Variants in TP63 observed in about 807,000 individuals in gnomAD.
TP63 encodes the protein tumor protein p63, also known as tumor protein 63.
A neutral mutation model predicts 82.8 loss-of-function variants in TP63; 17 were observed. The observed-to-expected ratio is 0.21, with a 90% CI of 0.14 to 0.31. TP63 has a LOEUF of 0.31. Among genes scored for constraint, TP63 ranks in the 10% least tolerant of loss-of-function variants. The probability of loss-of-function intolerance (pLI) is 1.00; values close to 1 mark genes in which losing one functional copy is unlikely to be tolerated. For synonymous variants in TP63, 330 were observed against 321.7 expected (o/e 1.03, Z -0.28); for missense variants, 648 against 895.3 (o/e 0.72, Z 3.52).
intron 1 of TP63, among the ~76,000 whole-genome samples, chr3:189,713,123 T>C (rs1374333424): frequency 6.6e-6 from 1 of 152,298 alleles, no homozygotes; most frequent in East Asian, 1.9e-4. Context: ...TAGATTGAGA[T>C]GCAAAAACCT....
the TP63 span, among the ~76,000 whole-genome samples, chr3:189,607,420 T>G: frequency 6.6e-6 from 1 of 152,188 alleles, no homozygotes; most frequent in Non-Finnish European, 1.5e-5. Flanking sequence ...AAAAAGTTTA[T>G]TTTTAAAAAC....
intron 3 of TP63, among the ~76,000 whole-genome samples, chr3:189,803,263 A>C (rs1021924945): frequency 6.6e-6 from 1 of 152,136 alleles, no homozygotes; most frequent in Admixed American, 6.5e-5. Flanking sequence ...GTGCCATTGC[A>C]CTCCAGCCTG....
chr3:189,624,784 T>C, the TP63 span, among the ~76,000 whole-genome samples: 1 of 152,222 alleles, frequency 6.6e-6, no homozygotes, highest in Admixed American at 6.5e-5. Flanking sequence ...ATACTTCCCA[T>C]GCCAATTACT....
At chr3:189,622,812 A>G in the TP63 span, among the ~76,000 whole-genome samples, 2 of 152,146 alleles carry the variant, frequency 1.3e-5, no homozygotes, top group Non-Finnish European at 2.9e-5. Context: ...TCACACATGA[A>G]ATGGAGGTAA....
At chr3:189,695,050 C>G (rs1467583703) in intron 1 of TP63, among the ~76,000 whole-genome samples, 5 of 151,672 alleles carry the variant, frequency 3.3e-5, no homozygotes, top group Admixed American at 3.3e-4. Flanking sequence ...GACCTGCCCA[C>G]CTTGACAGCC....
the TP63 span, among the ~76,000 whole-genome samples, chr3:189,624,485 G>T: frequency 6.6e-6 from 1 of 152,004 alleles, no homozygotes; most frequent in African/African-American, 2.4e-5. Flanking sequence ...AGACTCTTGG[G>T]GTTGAACAGA....
intron 3 of TP63, among the ~76,000 whole-genome samples, chr3:189,749,355 C>T (rs75900736): frequency 0.028 from 4,235 of 151,698 alleles, 77 homozygotes; most frequent in Admixed American, 0.052. Flanking sequence ...TAAATAATCC[C>T]GTAAAAATGA....
chr3:189,615,051 C>G, the TP63 span, among the ~76,000 whole-genome samples: 137 of 152,336 alleles, frequency 9.0e-4, 2 homozygotes, highest in South Asian at 0.027. Flanking sequence ...GTCCCACAGT[C>G]AGACCAGAGT....
At chr3:189,742,501 A>G (rs1476909391) in intron 3 of TP63, among the ~76,000 whole-genome samples, 1 of 151,936 alleles carries the variant, frequency 6.6e-6, no homozygotes, top group Admixed American at 6.6e-5. Flanking sequence ...ATTTAAAACT[A>G]TTCCTTTTTG....
intron 2 of TP63, 109 bp downstream of exon 2, chr3:189,737,977 T>C (rs1268136289): frequency 2.1e-6 from 3 of 1,411,608 alleles, no homozygotes; most frequent in South Asian, 1.2e-5. Flanking sequence ...GTAGAAGTTA[T>C]TTAGGAAAAG....
chr3:189,885,049 A>G (rs1430128599), intron 10 of TP63, among the ~76,000 whole-genome samples: 2 of 152,224 alleles, frequency 1.3e-5, no homozygotes, highest in Admixed American at 1.3e-4. Context: ...TTATACATAT[A>G]TATGCAGATA....
intron 1 of TP63, among the ~76,000 whole-genome samples, chr3:189,718,444 G>C (rs1416370036): frequency 6.7e-6 from 1 of 149,942 alleles, no homozygotes; most frequent in Non-Finnish European, 1.5e-5. Context: ...TGGCACGATG[G>C]GGGAACTACC....
chr3:189,634,717 A>G (rs976224053), intron 1 of TP63, among the ~76,000 whole-genome samples: 2 of 152,112 alleles, frequency 1.3e-5, no homozygotes, highest in African/African-American at 4.8e-5. Flanking sequence ...TGAACTATAG[A>G]TGAAATTATA....
At chr3:189,708,811 T>C (rs1560125431) in intron 1 of TP63, among the ~76,000 whole-genome samples, 1 of 152,228 alleles carries the variant, frequency 6.6e-6, no homozygotes, top group African/African-American at 2.4e-5. Context: ...TTTCATTTTT[T>C]ATAATACTTA....
chr3:189,767,358 T>C (rs952877264), intron 3 of TP63, among the ~76,000 whole-genome samples: 10 of 152,138 alleles, frequency 6.6e-5, no homozygotes, highest in African/African-American at 2.2e-4. Context: ...ATTAAATAAA[T>C]AGGGATAGTT....
intron 10 of TP63, among the ~76,000 whole-genome samples, 191 bp from the exon 11 acceptor site, chr3:189,886,203 G>A (rs1195117648): frequency 5.9e-5 from 9 of 152,150 alleles, no homozygotes; most frequent in South Asian, 2.1e-4. Context: ...TGATAGCCTC[G>A]CAGTCAGTTT....
chr3:189,746,937 A>C (rs983442797), intron 3 of TP63, among the ~76,000 whole-genome samples: 1 of 151,880 alleles, frequency 6.6e-6, no homozygotes, highest in African/African-American at 2.4e-5. Context: ...TATGGAAACC[A>C]AACACTAGCA....
intron 1 of TP63, among the ~76,000 whole-genome samples, chr3:189,693,459 T>A (rs759981718): frequency 6.6e-6 from 1 of 152,130 alleles, no homozygotes; most frequent in Non-Finnish European, 1.5e-5. Context: ...CTGGGTAAAA[T>A]ACCTGAACCA....
intron 4 of TP63, among the ~76,000 whole-genome samples, chr3:189,815,975 T>C (rs140175226): frequency 2.2e-4 from 33 of 152,316 alleles, no homozygotes; most frequent in African/African-American, 7.7e-4. Context: ...ATTTTAAAAA[T>C]CTAATGGCAT....
Sources: allele counts gnomAD v4.1 joint callset (sites outside exome capture counted in the v4.1 genomes callset), GRCh38; gene constraint gnomAD v4.1.1; transcripts MANE v1.5; gene names NCBI Gene and HGNC (gene_info 2026-07-23, HGNC 2026-07-21).